Variants in DENND4A observed in about 807,000 individuals in gnomAD.
DENND4A encodes C-myc promoter-binding protein.
A neutral mutation model predicts 199.3 loss-of-function variants in DENND4A; 70 were observed. That is an observed-to-expected ratio of 0.35 (90% CI 0.29 to 0.43). DENND4A has a LOEUF of 0.43. Ranked by LOEUF, DENND4A falls within the 20% of genes least tolerant of loss-of-function variation. The probability of loss-of-function intolerance (pLI) is 1.00; values close to 1 mark genes in which losing one functional copy is unlikely to be tolerated. For synonymous variants in DENND4A, 686 were observed against 766.9 expected, an observed-to-expected ratio of 0.89 and a Z score of 1.74; for missense variants, 1,723 against 2,255.8, an observed-to-expected ratio of 0.76 and a Z score of 4.78.
At position 65,702,528 on chromosome 15, in the gene DENND4A, G is replaced by C. The variant is rs1276458904; in HGVS notation, c.2224-17C>G. On this transcript the variant is annotated splice_polypyrimidine_tract_variant and intron_variant, in intron 16 of 32. Coordinates refer to ENST00000443035, the MANE Select transcript of DENND4A (RefSeq NM_001320835.1). The stretch of plus-strand genomic sequence containing the variant: ...TTTAATTTCCTGGAAAAAATATAAA[G>C]ATCTTACTAATAAATTTATGCACTT... 6.5e-7 allele frequency: 1 copy of C among 1,547,248 alleles called. No individual in the cohort carries two copies. The highest frequency in any genetic ancestry group is 1.9e-5 in the Admixed American group (1 of 51,366).
Position 65,690,873 on chromosome 15 carries a change from T to C in DENND4A, c.3721A>G (p.Thr1241Ala). 1.9e-6 allele frequency: 3 copies of C among 1,611,590 alleles called. No homozygotes were observed. The highest frequency in any genetic ancestry group is 2.5e-6 in the Non-Finnish European group (3 of 1,178,950). The change falls in exon 23 of 33, where the codon ACA (threonine) becomes GCA (alanine). Residue 1241 changes from threonine to alanine, a missense_variant. This residue lies in a region of DENND4A where 650 missense variants were observed against 738.1 expected (regional missense o/e 0.88). Transcript: ENST00000443035. The part of the protein sequence containing the change: ...EDEDDSKSIS[T>A]PSARRDLAEE... ...GCTAAATCACGCCTAGCAGATGGTG[T>C]TGAAATGCTTTTGCTATCATCTTCA...
At chr15:65,688,486 CTT>C (rs1567006389) in intron 23 of DENND4A, among the ~76,000 whole-genome samples, 2 of 152,176 alleles carry the variant, frequency 1.3e-5, no homozygotes, top group Non-Finnish European at 2.9e-5. Flanking sequence ...TGTTGATGCT[CTT>C]GTTTCAGCAG....
At chr15:65,715,971 T>C (rs1204960081) in intron 13 of DENND4A, among the ~76,000 whole-genome samples, 1 of 151,970 alleles carries the variant, frequency 6.6e-6, no homozygotes, top group Admixed American at 6.6e-5. Flanking sequence ...AATATATATA[T>C]CATATATATA....
chr15:65,742,814 C>T (rs1411037219), intron 4 of DENND4A, among the ~76,000 whole-genome samples: 1 of 152,128 alleles, frequency 6.6e-6, no homozygotes, highest in East Asian at 1.9e-4. Context: ...TGAATATATG[C>T]TCAATGAGGG....
At chr15:65,701,737 T>C in intron 18 of DENND4A, 25 bp downstream of exon 18, 6 of 1,606,372 alleles carry the variant, frequency 3.7e-6, no homozygotes, top group Non-Finnish European at 5.1e-6. Flanking sequence ...GTAATACTCT[T>C]TATCCATTAA....
chr15:65,660,054 C>T lies in DENND4A; in HGVS notation c.*1797G>A, dbSNP rs1285342837. ...TTATCACCAGTGCCAAAAGCCTCCC[C>T]CCTCTGAAATGTTTCTCTCAGTTGA... On this transcript the variant is annotated 3_prime_UTR_variant, in exon 33 of 33. Coordinates refer to ENST00000443035, the MANE Select transcript of DENND4A (RefSeq NM_001320835.1). 2.2e-5 allele frequency: 10 copies of T among 454,896 alleles called. No homozygotes were observed. The highest frequency in any genetic ancestry group is 3.9e-5 in the Non-Finnish European group (10 of 256,088). 28.2% of individuals were successfully genotyped at this position (454,896 alleles called of 1,614,324 possible).
intron 14 of DENND4A, among the ~76,000 whole-genome samples, chr15:65,709,558 G>T (rs1160710756): frequency 6.6e-6 from 1 of 151,414 alleles, no homozygotes; most frequent in East Asian, 1.9e-4. Context: ...GCCAGGTGTG[G>T]TGGCACACGC....
chr15:65,690,084 T>G (rs1230462790), intron 23 of DENND4A, among the ~76,000 whole-genome samples: 1 of 152,208 alleles, frequency 6.6e-6, no homozygotes, highest in Non-Finnish European at 1.5e-5. Context: ...ACTGGTAATT[T>G]TTGAGGGCAT....
chr15:65,740,173 T>C (rs896461852), intron 5 of DENND4A, among the ~76,000 whole-genome samples: 1 of 151,692 alleles, frequency 6.6e-6, no homozygotes, highest in African/African-American at 2.4e-5. Flanking sequence ...GTTGCACCCA[T>C]TGGTAAACAA....
intron 12 of DENND4A, among the ~76,000 whole-genome samples, 151 bp downstream of exon 12, chr15:65,722,694 ATCT>A (rs2075684391): frequency 1.3e-5 from 2 of 151,986 alleles, no homozygotes. Context: ...TCTCTCATTC[ATCT>A]TCTAACAAAT....
In DENND4A at chr15:65,676,141, A is replaced by AATATATATATATATATATATATAT. The variant is rs57613461; in HGVS notation, c.4369+280_4369+303dup. Among the ~76,000 whole-genome samples, 742 of 109,866 alleles carry AATATATATATATATATATATATAT rather than the reference A, an allele frequency of 6.8e-3. 3 individuals are homozygous for AATATATATATATATATATATATAT. Among genetic ancestry groups the AATATATATATATATATATATATAT allele is most frequent in the East Asian group, 0.02 (33 of 1,612 alleles). The allele number at this position is 109,866 out of a possible 152,430, so 72.1% of individuals were successfully genotyped here. On this transcript the variant is annotated intron_variant, in intron 24 of 32. Transcript: ENST00000443035. ...AGAAGACAGGGAAGTAATAAGGAAA[A>AATATATATATATATATATATATAT]ATATATATATATATATATATATATA...
intron 14 of DENND4A, among the ~76,000 whole-genome samples, chr15:65,713,091 A>G (rs2075295447): frequency 6.6e-6 from 1 of 152,142 alleles, no homozygotes; most frequent in Non-Finnish European, 1.5e-5. Context: ...CAACACACTA[A>G]TACATTACTA....
At position 65,696,406 on chromosome 15, in the gene DENND4A, T is replaced by C. The variant is rs751274394; in HGVS notation, c.3042A>G (p.Thr1014=). ...ATATTTTACCAGCACTGTTGTTACT[T>C]GTACCAGTGAGGCGAACGATACTGG... ...NSSSIVRLTG[T]SNNSAGKISG... The change falls in exon 22 of 33, where the codon ACA becomes ACG. Residue 1014 remains threonine (T), a synonymous_variant. Coordinates refer to ENST00000443035, the MANE Select transcript of DENND4A (RefSeq NM_001320835.1). 2.5e-6 allele frequency: 4 copies of C among 1,612,748 alleles called. No individual in the cohort carries two copies. Among genetic ancestry groups the C allele is most frequent in the Non-Finnish European group, 3.4e-6 (4 of 1,179,048 alleles).
chr15:65,782,656 A>AAAAAATAAAAT (rs1402442511), intron 1 of DENND4A, among the ~76,000 whole-genome samples: 1 of 152,264 alleles, frequency 6.6e-6, no homozygotes, highest in East Asian at 1.9e-4. Context: ...CCTGAAAACA[A>AAAAAATAAAAT]AAAAATAAAA....
intron 23 of DENND4A, among the ~76,000 whole-genome samples, chr15:65,683,908 G>A (rs1005037273): frequency 6.6e-5 from 10 of 152,022 alleles, no homozygotes; most frequent in African/African-American, 2.4e-4. Context: ...CTAACACCAG[G>A]CAACCACTAA....
At chr15:65,738,026 T>G in intron 6 of DENND4A, 81 bp from the exon 7 acceptor site, 2 of 1,394,998 alleles carry the variant, frequency 1.4e-6, no homozygotes, top group Non-Finnish European at 1.9e-6. Flanking sequence ...ATTTAATAAA[T>G]GCTTGCTATG....
Position 65,697,295 on chromosome 15 carries a change from T to A in DENND4A, c.2922A>T (p.Lys974Asn). ...DTSTEDIQEE[K>N]DKKGSDCSSL... The stretch of plus-strand genomic sequence containing the variant: ...AACTACAATCACTCCCTTTTTTATC[T>A]TTTTCTTCTTGAATGTCTTCAGTAG... The change falls in exon 21 of 33, where the codon AAA becomes AAT. Residue 974 changes from lysine to asparagine, a missense_variant. By Grantham distance (94) the Lys-to-Asn change is moderately conservative. Around this residue, in one of 6 missense-constraint regions of DENND4A, gnomAD observed 650 missense variants for 738.1 expected, o/e 0.88. Coordinates refer to ENST00000443035, the MANE Select transcript of DENND4A (RefSeq NM_001320835.1). 6.3e-7 allele frequency: 1 copy of A among 1,599,520 alleles called. No individual in the cohort carries two copies. The highest frequency in any genetic ancestry group is 1.1e-5 in the South Asian group (1 of 89,534).
intron 5 of DENND4A, 91 bp from the exon 6 acceptor site, chr15:65,738,966 C>T: frequency 2.0e-6 from 2 of 981,954 alleles, no homozygotes; most frequent in Non-Finnish European, 2.9e-6. Context: ...TTATTTCACA[C>T]ATTTGGAATG....
At chr15:65,713,731 T>A (rs2075311981) in intron 14 of DENND4A, among the ~76,000 whole-genome samples, 1 of 152,228 alleles carries the variant, frequency 6.6e-6, no homozygotes, top group Admixed American at 6.5e-5. Flanking sequence ...ACATGTCTCA[T>A]CATTCTTAGA....
Sources: gnomAD v4.1 joint callset for allele counts (sites outside exome capture counted in the v4.1 genomes callset) on GRCh38, gnomAD v4.1.1 for gene constraint, gnomAD v4.1.1 regional missense constraint, MANE v1.5 for transcripts, NCBI Gene and HGNC (gene_info 2026-07-23, HGNC 2026-07-21) for gene names.